The following GCFC2 variants were observed in gnomAD, a reference collection of about 807,000 sequenced individuals.
The protein encoded by GCFC2 is intron Large complex component GCFC2.
Under a neutral mutation model 99.4 loss-of-function variants are expected in GCFC2, and 102 were observed. The observed-to-expected ratio is 1.03, with a 90% CI of 0.87 to 1.21. The LOEUF is 1.21. GCFC2 is among the 50% of genes most tolerant of loss of function. The probability of loss-of-function intolerance (pLI) is 0.00; values close to 1 mark genes in which losing one functional copy is unlikely to be tolerated. For synonymous variants in GCFC2, 338 were observed against 316.8 expected, an observed-to-expected ratio of 1.07 and a Z score of -0.71; for missense variants, 973 against 920.9, an observed-to-expected ratio of 1.06 and a Z score of -0.73.
At chr2:75,700,846 T>A (rs114168250) in intron 4 of GCFC2, among the ~76,000 whole-genome samples, 1 of 152,170 alleles carries the variant, frequency 6.6e-6, no homozygotes, top group African/African-American at 2.4e-5. Context: ...TCTTGGATTA[T>A]CTGAGTAGGC....
intron 6 of GCFC2, 103 bp downstream of exon 6, chr2:75,694,138 A>T: frequency 2.5e-6 from 1 of 402,506 alleles, no homozygotes; most frequent in Non-Finnish European, 4.4e-6. Context: ...GTGTAGGAAA[A>T]ATACTAGAGA....
intron 13 of GCFC2, among the ~76,000 whole-genome samples, chr2:75,673,172 T>A (rs556164425): frequency 6.6e-6 from 1 of 151,778 alleles, no homozygotes; most frequent in Non-Finnish European, 1.5e-5. Context: ...TAGCCGGGCG[T>A]GGTGGCGGGC....
chr2:75,704,716 G>T (rs373210055), intron 2 of GCFC2, among the ~76,000 whole-genome samples: 3 of 152,164 alleles, frequency 2.0e-5, no homozygotes, highest in Non-Finnish European at 2.9e-5. Context: ...ATGGAGTCTT[G>T]CTCTGTTGCC....
intron 11 of GCFC2, among the ~76,000 whole-genome samples, chr2:75,682,543 A>C (rs1421789243): frequency 6.6e-6 from 1 of 151,856 alleles, no homozygotes; most frequent in African/African-American, 2.4e-5. Context: ...CCGTTCTTCA[A>C]AGAATCACAA....
chr2:75,665,700 C>T (rs2104174001), intron 16 of GCFC2, among the ~76,000 whole-genome samples: 1 of 152,224 alleles, frequency 6.6e-6, no homozygotes, highest in East Asian at 1.9e-4. Flanking sequence ...ATTCTATATT[C>T]CCCTGTGCTA....
intron 5 of GCFC2, among the ~76,000 whole-genome samples, chr2:75,695,230 G>A (rs1370956088): frequency 6.6e-6 from 1 of 152,006 alleles, no homozygotes; most frequent in Non-Finnish European, 1.5e-5. Context: ...TTTACATATT[G>A]TCTATGGCTG....
At chr2:75,704,398 T>A (rs1009813118) in intron 2 of GCFC2, among the ~76,000 whole-genome samples, 2 of 152,184 alleles carry the variant, frequency 1.3e-5, no homozygotes, top group African/African-American at 4.8e-5. Context: ...AGCCAATAAG[T>A]CCTTCGAACT....
At chr2:75,704,711 G>T (rs1369266417) in intron 2 of GCFC2, among the ~76,000 whole-genome samples, 3 of 152,210 alleles carry the variant, frequency 2.0e-5, no homozygotes, top group Non-Finnish European at 4.4e-5. Flanking sequence ...TTGAGATGGA[G>T]TCTTGCTCTG....
At chr2:75,710,566 C>A in intron 1 of GCFC2, 25 bp downstream of exon 1, 1 of 1,479,468 alleles carries the variant, frequency 6.8e-7, no homozygotes, top group South Asian at 1.3e-5. Flanking sequence ...GTCACCTCCC[C>A]GCTTCCCCGC....
rs181849341 is a variant in GCFC2 at position 75,700,510 on chromosome 2, T to C, written c.717+680A>G. ...GCGGTGAGATGTCTCTGTTGTATTG[T>C]GAAGTGAAAAAAACAGTCTCCAAAG... On this transcript the variant is annotated intron_variant, in intron 4 of 16. Transcript: ENST00000321027. Among the ~76,000 whole-genome samples the C allele has an allele frequency of 9.4e-4, 143 of 152,248 alleles. 1 individual carries two copies. The highest frequency in any genetic ancestry group is 6.8e-3 in the Middle Eastern group (2 of 294).
intron 12 of GCFC2, among the ~76,000 whole-genome samples, chr2:75,676,727 CTG>C (rs1055720917): frequency 2.0e-5 from 3 of 152,172 alleles, no homozygotes; most frequent in African/African-American, 7.2e-5. Context: ...TGCTTCAAAA[CTG>C]TGTCTCTCTC....
At chr2:75,665,150 G>C (rs899186376) in intron 16 of GCFC2, among the ~76,000 whole-genome samples, 7 of 151,418 alleles carry the variant, frequency 4.6e-5, no homozygotes, top group African/African-American at 1.7e-4. Flanking sequence ...ATACAAATCT[G>C]ATTTTTTTTT....
At position 75,702,396 on chromosome 2, in the gene GCFC2, T is replaced by C. The variant is rs200742837; in HGVS notation, c.422A>G (p.Gln141Arg). 3.1e-6 allele frequency: 5 copies of C among 1,613,232 alleles called. No individual in the cohort carries two copies. In the African/African-American group the frequency reaches 5.3e-5, roughly 17 times the overall value. Residue 141 changes from glutamine (Q) to arginine (R), a missense_variant, in exon 3 of 17, where the codon CAG becomes CGG. Gln to Arg is a conservative substitution (Grantham distance 43, BLOSUM62 1). Coordinates refer to ENST00000321027, the MANE Select transcript of GCFC2 (RefSeq NM_003203.5). Reference sequence around the variant, plus strand: ...CAATTCACGTTTTCTGCGGGCTGCCTGAATAAAAGCTGCATCTGGGATCTT... The same window carrying C: ...CAATTCACGTTTTCTGCGGGCTGCCCGAATAAAAGCTGCATCTGGGATCTT... ...TVKIPDAAFI[Q>R]AARRKRELAR...
At chr2:75,700,757 T>G (rs73939107) in intron 4 of GCFC2, among the ~76,000 whole-genome samples, 1 of 152,130 alleles carries the variant, frequency 6.6e-6, no homozygotes, top group Admixed American at 6.5e-5. Context: ...AAAAGATACA[T>G]CCATGACATA....
chr2:75,685,502 G>C (rs981800457), intron 11 of GCFC2, among the ~76,000 whole-genome samples: 2 of 151,954 alleles, frequency 1.3e-5, no homozygotes, highest in Admixed American at 6.6e-5. Context: ...TTTCTTCCTA[G>C]AAACACTGTC....
intron 12 of GCFC2, among the ~76,000 whole-genome samples, 183 bp downstream of exon 12, chr2:75,680,010 A>AT (rs76432157): frequency 5.3e-5 from 8 of 151,774 alleles, no homozygotes; most frequent in Admixed American, 2.6e-4. Context: ...AGTTTAAAAA[A>AT]TTTTTTTTTC....
chr2:75,667,385 G>T (rs1678891561), intron 15 of GCFC2, among the ~76,000 whole-genome samples: 1 of 151,950 alleles, frequency 6.6e-6, no homozygotes, highest in Non-Finnish European at 1.5e-5. Flanking sequence ...CAGAGAGTTG[G>T]GGAAAAAATT....
chr2:75,675,763 A>G (rs935640716), intron 12 of GCFC2, among the ~76,000 whole-genome samples: 53 of 151,734 alleles, frequency 3.5e-4, no homozygotes, highest in Admixed American at 3.3e-3. Flanking sequence ...AAAAAACAAA[A>G]AAAAGAAAAG....
At chr2:75,687,769 C>A in intron 11 of GCFC2, 58 bp downstream of exon 11, 1 of 1,313,324 alleles carries the variant, frequency 7.6e-7, no homozygotes, top group East Asian at 2.4e-5. Context: ...CAGAAATTAA[C>A]AACCTTATAT....
Sources: allele counts gnomAD v4.1 joint callset (sites outside exome capture counted in the v4.1 genomes callset), GRCh38; gene constraint gnomAD v4.1.1; transcripts MANE v1.5; gene names NCBI Gene and HGNC (gene_info 2026-07-23, HGNC 2026-07-21).